The following C1orf21 variants were observed in gnomAD, a reference collection of about 807,000 sequenced individuals.
C1orf21 encodes uncharacterized protein C1orf21.
A neutral mutation model predicts 18.7 loss-of-function variants in C1orf21; 3 were observed. The ratio of observed to expected loss-of-function variants is 0.16; its 90% CI spans 0.07 to 0.42. C1orf21 has a LOEUF of 0.42. Ranked by LOEUF, C1orf21 falls within the 10% of genes least tolerant of loss-of-function variation. The probability of loss-of-function intolerance (pLI) is 0.99; values close to 1 mark genes in which losing one functional copy is unlikely to be tolerated. For synonymous variants in C1orf21, 41 were observed against 46.4 expected (o/e 0.88, Z 0.47); for missense variants, 104 against 143.6 (o/e 0.72, Z 1.41).
intron 3 of C1orf21, among the ~76,000 whole-genome samples, chr1:184,558,909 T>C (rs1658914656): frequency 6.6e-6 from 1 of 152,150 alleles, no homozygotes; most frequent in Admixed American, 6.5e-5. Flanking sequence ...GTAGGCAGAA[T>C]TGTAGAGTAG....
intron 2 of C1orf21, among the ~76,000 whole-genome samples, chr1:184,478,362 C>T (rs909280168): frequency 1.5e-4 from 23 of 152,234 alleles, no homozygotes; most frequent in African/African-American, 5.3e-4. Context: ...GCAAAGGCCA[C>T]AGATTGGCAA....
At chr1:184,438,273 G>A (rs1414460620) in intron 1 of C1orf21, among the ~76,000 whole-genome samples, 1 of 137,978 alleles carries the variant, frequency 7.2e-6, no homozygotes, top group Non-Finnish European at 1.5e-5. Context: ...AAAGTCTTGA[G>A]GAGGTGCTAT....
intron 3 of C1orf21, among the ~76,000 whole-genome samples, chr1:184,511,239 A>G (rs1658139141): frequency 6.6e-6 from 1 of 152,210 alleles, no homozygotes; most frequent in Non-Finnish European, 1.5e-5. Context: ...GGATCATACA[A>G]CAATGTAATA....
At chr1:184,439,876 G>A (rs1419814443) in intron 1 of C1orf21, among the ~76,000 whole-genome samples, 4 of 152,100 alleles carry the variant, frequency 2.6e-5, no homozygotes, top group South Asian at 2.1e-4. Context: ...TATGAAAAGT[G>A]GCATAAAAAT....
chr1:184,454,558 G>T (rs959702220), intron 1 of C1orf21, among the ~76,000 whole-genome samples: 2 of 152,114 alleles, frequency 1.3e-5, no homozygotes, highest in African/African-American at 4.8e-5. Context: ...GGAGGTGATT[G>T]GATCATGGGG....
rs1324055599 is a variant in C1orf21 at position 184,628,384 on chromosome 1, A to G, written c.*8828A>G. The stretch of plus-strand genomic sequence containing the variant: ...ATAAGACACAAAATATTATAAACAG[A>G]GGTTCTGGCATTTTCTCTCTGAACT... On this transcript the variant is annotated 3_prime_UTR_variant, in exon 6 of 6. Transcript: ENST00000235307. 1 of 152,232 alleles carries G rather than the reference A, an allele frequency of 6.6e-6. No individual in the cohort carries two copies. Among genetic ancestry groups the G allele is most frequent in the African/African-American group, 2.4e-5 (1 of 41,462 alleles). 9.4% of individuals were successfully genotyped at this position (152,232 alleles called of 1,614,324 possible).
intron 3 of C1orf21, among the ~76,000 whole-genome samples, chr1:184,578,829 C>A (rs1322438859): frequency 2.0e-5 from 3 of 151,716 alleles, no homozygotes; most frequent in Non-Finnish European, 4.4e-5. Flanking sequence ...AATTCTCCTC[C>A]CAAGCACAAG....
At chr1:184,549,041 T>C (rs1169755001) in intron 3 of C1orf21, among the ~76,000 whole-genome samples, 1 of 152,224 alleles carries the variant, frequency 6.6e-6, no homozygotes, top group Non-Finnish European at 1.5e-5. Context: ...ATGTATTTGT[T>C]TTAGGAATTT....
chr1:184,499,139 T>G (rs1657935706), intron 2 of C1orf21, among the ~76,000 whole-genome samples: 1 of 152,056 alleles, frequency 6.6e-6, no homozygotes, highest in Admixed American at 6.6e-5. Context: ...CCCCTCTTCT[T>G]CCTCCTCCCC....
intron 2 of C1orf21, among the ~76,000 whole-genome samples, chr1:184,484,902 G>T (rs1158845558): frequency 6.6e-6 from 1 of 151,678 alleles, no homozygotes; most frequent in Non-Finnish European, 1.5e-5. Context: ...GTGTGTGTGT[G>T]TGTGTGTGTG....
intron 1 of C1orf21, among the ~76,000 whole-genome samples, chr1:184,401,705 T>G (rs1173988928): frequency 6.6e-6 from 1 of 151,952 alleles, no homozygotes; most frequent in Admixed American, 6.6e-5. Flanking sequence ...AAAAATTTCC[T>G]TACATCCAGG....
At chr1:184,590,696 A>G in intron 3 of C1orf21, 43 bp from the exon 4 acceptor site, 1 of 1,547,028 alleles carries the variant, frequency 6.5e-7, no homozygotes, top group Non-Finnish European at 8.9e-7. Context: ...TTAATTGTGG[A>G]TTCTAATCCT....
chr1:184,466,749 A>C (rs937311009), intron 1 of C1orf21, among the ~76,000 whole-genome samples: 3 of 151,812 alleles, frequency 2.0e-5, no homozygotes, highest in Non-Finnish European at 4.4e-5. Flanking sequence ...TTTTTTTTTC[A>C]GATGGGCAAG....
Position 184,449,141 on chromosome 1 carries a change from C to T in C1orf21, c.-124-28245C>T, listed in dbSNP as rs1657078172. Among the ~76,000 whole-genome samples, 3 of 152,014 alleles carry T rather than the reference C, an allele frequency of 2.0e-5. No homozygotes were observed. In the South Asian group the frequency reaches 6.2e-4, roughly 32 times the overall value. On this transcript the variant is annotated intron_variant, in intron 1 of 5. Coordinates refer to ENST00000235307, the MANE Select transcript of C1orf21 (RefSeq NM_030806.4). The stretch of plus-strand genomic sequence containing the variant: ...TGTATACATGTGCCATGTTGGTGTG[C>T]TGCACCCATTAACTCGTCATTTACA...
chr1:184,427,616 T>G (rs1656662564), intron 1 of C1orf21, among the ~76,000 whole-genome samples: 1 of 152,160 alleles, frequency 6.6e-6, no homozygotes, highest in South Asian at 2.1e-4. Context: ...TCAAATGATG[T>G]GGTTGAAATG....
intron 3 of C1orf21, among the ~76,000 whole-genome samples, chr1:184,574,575 T>C (rs1571284156): frequency 6.6e-6 from 1 of 152,222 alleles, no homozygotes; most frequent in African/African-American, 2.4e-5. Context: ...CTAATCATGT[T>C]CTTTAACTTT....
In C1orf21 at chr1:184,407,412, G is replaced by A. The variant is rs1488007937; in HGVS notation, c.-125+20044G>A. ...GTATTTACCATAATTGAATGAATAT[G>A]CAGCTACATTTGTCTGGTAACATGT... On this transcript the variant is annotated intron_variant, in intron 1 of 5. Transcript: ENST00000235307. Among the ~76,000 whole-genome samples the A allele has an allele frequency of 5.3e-5, 8 of 152,148 alleles. No individual in the cohort carries two copies. In the East Asian group the frequency reaches 1.2e-3, roughly 22 times the overall value.
At chr1:184,508,505 C>T (rs929838498) in intron 3 of C1orf21, among the ~76,000 whole-genome samples, 5 of 151,982 alleles carry the variant, frequency 3.3e-5, no homozygotes, top group South Asian at 2.1e-4. Flanking sequence ...GACTTAAACT[C>T]GTTTTTTTAT....
intron 4 of C1orf21, among the ~76,000 whole-genome samples, chr1:184,595,688 C>T (rs370751732): frequency 6.6e-6 from 1 of 152,108 alleles, no homozygotes; most frequent in Non-Finnish European, 1.5e-5. Flanking sequence ...ACAGGTGACC[C>T]GTGTGGGCAT....
Sources: allele counts gnomAD v4.1 joint callset (sites outside exome capture counted in the v4.1 genomes callset), GRCh38; gene constraint gnomAD v4.1.1; transcripts MANE v1.5; gene names NCBI Gene and HGNC (gene_info 2026-07-23, HGNC 2026-07-21).